Variants in LRRC37A2 observed in about 807,000 individuals in gnomAD.
LRRC37A2 encodes leucine rich repeat containing 37 member A2, also known as leucine-rich repeat-containing protein 37A2.
In LRRC37A2, 9 loss-of-function variants were observed where a neutral mutation model predicts 68.8. The ratio of observed to expected loss-of-function variants is 0.13; its 90% CI spans 0.08 to 0.23. The LOEUF is 0.23. LRRC37A2 is among the 10% of genes least tolerant of loss of function. The probability of loss-of-function intolerance (pLI) is 1.00; values close to 1 mark genes in which losing one functional copy is unlikely to be tolerated. For synonymous variants in LRRC37A2, 63 were observed against 367.6 expected, an observed-to-expected ratio of 0.17 and a Z score of 9.48; for missense variants, 168 against 950.4, an observed-to-expected ratio of 0.18 and a Z score of 10.82.
chr17:46,745,111 T>C, the LRRC37A2 span, among the ~76,000 whole-genome samples: 1 of 152,134 alleles, frequency 6.6e-6, no homozygotes, highest in South Asian at 2.1e-4. Context: ...GGCCACACAT[T>C]AGGAAGGTGG....
the LRRC37A2 span, among the ~76,000 whole-genome samples, chr17:46,829,886 C>T: frequency 1.1e-3 from 164 of 152,220 alleles, no homozygotes; most frequent in African/African-American, 3.9e-3. Context: ...GGCAAGTTAT[C>T]TAGATCTCTC....
chr17:46,795,002 C>A, the LRRC37A2 span, among the ~76,000 whole-genome samples: 1 of 152,022 alleles, frequency 6.6e-6, no homozygotes, highest in African/African-American at 2.4e-5. Flanking sequence ...CTGCCCGCCT[C>A]GGCCTCCCAA....
At chr17:46,960,562 G>A in the LRRC37A2 span, among the ~76,000 whole-genome samples, 1 of 152,112 alleles carries the variant, frequency 6.6e-6, no homozygotes, top group African/African-American at 2.4e-5. Flanking sequence ...CTCTACATGA[G>A]GATTTATTTG....
At chr17:46,490,340 CT>C in the LRRC37A2 span, among the ~76,000 whole-genome samples, 1 of 151,128 alleles carries the variant, frequency 6.6e-6, no homozygotes, top group Non-Finnish European at 1.5e-5. Flanking sequence ...TTTTTGAGCT[CT>C]TGACATTCTT....
At chr17:46,936,588 G>T in the LRRC37A2 span, 1 of 985,518 alleles carries the variant, frequency 1.0e-6, no homozygotes, top group South Asian at 4.7e-5. Flanking sequence ...AGGGCATGAA[G>T]GGGCTAGGCT....
At chr17:46,867,429 C>T in the LRRC37A2 span, among the ~76,000 whole-genome samples, 1 of 152,228 alleles carries the variant, frequency 6.6e-6, no homozygotes, top group Non-Finnish European at 1.5e-5. Flanking sequence ...GGAATGAGCT[C>T]AGTTGGTGAG....
the LRRC37A2 span, among the ~76,000 whole-genome samples, chr17:46,765,772 G>GC: frequency 1.3e-5 from 2 of 152,258 alleles, no homozygotes; most frequent in African/African-American, 4.8e-5. Context: ...CCTGTGAGCA[G>GC]CTGGGTCCTG....
intron 9 of LRRC37A2, chr17:46,548,084 T>C: frequency 2.5e-5 from 3 of 119,048 alleles, no homozygotes; most frequent in Non-Finnish European, 4.1e-5. Context: ...TTACTCTATG[T>C]CACACTATGG....
chr17:46,781,638 T>A, the LRRC37A2 span, among the ~76,000 whole-genome samples: 1 of 152,158 alleles, frequency 6.6e-6, no homozygotes. Flanking sequence ...GAGTTTGGGA[T>A]GATGAAAACA....
At chr17:47,020,781 C>CAAAAAAAAAAAAAAAAAAAAAAAAAAAA in the LRRC37A2 span, among the ~76,000 whole-genome samples, 1 of 20,110 alleles carries the variant, frequency 5.0e-5, no homozygotes, top group Non-Finnish European at 7.9e-5. Context: ...GACTCCATCT[C>CAAAAAAAAAAAAAAAAAAAAAAAAAAAA]AAAAAAAAAA....
the LRRC37A2 span, chr17:46,923,175 G>C: frequency 1.3e-6 from 2 of 1,515,120 alleles, no homozygotes; most frequent in African/African-American, 2.8e-5. Context: ...CGGAGCCGTG[G>C]CCTGCGGGGC....
the LRRC37A2 span, chr17:46,876,842 G>A: frequency 1.4e-6 from 2 of 1,430,126 alleles, no homozygotes; most frequent in Non-Finnish European, 1.8e-6. Flanking sequence ...GTGTGCCAAT[G>A]CACACGAGTG....
chr17:46,876,189 G>C, the LRRC37A2 span: 4 of 1,499,428 alleles, frequency 2.7e-6, no homozygotes, highest in South Asian at 3.9e-5. Context: ...CTGGGGGCAG[G>C]CTCTGGCTGC....
chr17:47,009,754 A>G, the LRRC37A2 span, among the ~76,000 whole-genome samples: 15 of 152,226 alleles, frequency 9.9e-5, no homozygotes, highest in Admixed American at 2.0e-4. Flanking sequence ...CCCTGCTGGG[A>G]TGAGAAGTCT....
At chr17:46,905,066 G>A in the LRRC37A2 span, among the ~76,000 whole-genome samples, 1 of 151,870 alleles carries the variant, frequency 6.6e-6, no homozygotes, top group Non-Finnish European at 1.5e-5. Flanking sequence ...CTAGAGAAAA[G>A]ACCTTTTTTT....
chr17:46,914,199 C>T, the LRRC37A2 span, among the ~76,000 whole-genome samples: 1 of 152,122 alleles, frequency 6.6e-6, no homozygotes, highest in Non-Finnish European at 1.5e-5. Context: ...ACAGCTGGCC[C>T]CAACGGTGCA....
chr17:46,941,349 T>C, the LRRC37A2 span: 10 of 984,214 alleles, frequency 1.0e-5, no homozygotes, highest in Non-Finnish European at 1.2e-5. Flanking sequence ...AGTTGAGGTT[T>C]ATTTTATTTA....
chr17:46,950,845 T>C, the LRRC37A2 span, among the ~76,000 whole-genome samples: 1 of 152,174 alleles, frequency 6.6e-6, no homozygotes, highest in Admixed American at 6.5e-5. Flanking sequence ...AGAAGTGGTC[T>C]TGGGGACCAC....
chr17:46,905,079 C>CTT, the LRRC37A2 span, among the ~76,000 whole-genome samples: 1,379 of 147,004 alleles, frequency 9.4e-3, 30 homozygotes, highest in African/African-American at 0.033. Context: ...CTTTTTTTTT[C>CTT]TTTTTTTTTT....
Sources: allele counts gnomAD v4.1 joint callset (sites outside exome capture counted in the v4.1 genomes callset), GRCh38; gene constraint gnomAD v4.1.1; transcripts MANE v1.5; gene names NCBI Gene and HGNC (gene_info 2026-07-23, HGNC 2026-07-21).